The following NEBL variants were observed in gnomAD, a reference collection of about 807,000 sequenced individuals.
NEBL encodes LIM and SH3 protein 2.
Under a neutral mutation model 140.2 loss-of-function variants are expected in NEBL, and 122 were observed. The observed-to-expected ratio is 0.87, with a 90% CI of 0.75 to 1.01. The LOEUF (loss-of-function observed/expected upper bound fraction) is 1.01. NEBL is among the 50% of genes least tolerant of loss of function. The pLI is 0.00. For synonymous variants in NEBL, 436 were observed against 398.9 expected (o/e 1.09, Z -1.11); for missense variants, 1,365 against 1,231.3 (o/e 1.11, Z -1.62).
At chr10:21,015,457 C>G (rs75800451) in intron 3 of NEBL, among the ~76,000 whole-genome samples, 1 of 152,174 alleles carries the variant, frequency 6.6e-6, no homozygotes, top group Non-Finnish European at 1.5e-5. Flanking sequence ...AAAGGGAATG[C>G]TTTCTACCAC....
chr10:20,952,153 G>A (rs959016040), intron 4 of NEBL, among the ~76,000 whole-genome samples: 10 of 152,126 alleles, frequency 6.6e-5, no homozygotes, highest in African/African-American at 1.2e-4. Flanking sequence ...ATTAAGAACC[G>A]GGGCCAGGCG....
At chr10:20,805,683 T>C (rs1054523111) in intron 26 of NEBL, among the ~76,000 whole-genome samples, 1 of 152,002 alleles carries the variant, frequency 6.6e-6, no homozygotes, top group African/African-American at 2.4e-5. Flanking sequence ...TGAAACCCCA[T>C]CTCTACTAAA....
chr10:21,069,988 G>A (rs1589200278), intron 2 of NEBL: 2 of 456,242 alleles, frequency 4.4e-6, no homozygotes, highest in Non-Finnish European at 8.8e-6. Context: ...GAGCCAGAAT[G>A]CAGCCACTCA....
At chr10:21,104,937 A>C (rs930940446) in intron 2 of NEBL, among the ~76,000 whole-genome samples, 5 of 152,188 alleles carry the variant, frequency 3.3e-5, no homozygotes, top group African/African-American at 1.2e-4. Flanking sequence ...TCAAGAATTG[A>C]TGTTGCGCAT....
intron 1 of NEBL, among the ~76,000 whole-genome samples, chr10:21,284,232 A>AC (rs1843028466): frequency 1.7e-5 from 2 of 116,562 alleles, no homozygotes; most frequent in East Asian, 3.3e-4. Flanking sequence ...AAAAAAAAAA[A>AC]ACGAAAATGA....
chr10:21,056,592 A>G (rs904205526), intron 2 of NEBL, among the ~76,000 whole-genome samples: 1 of 152,220 alleles, frequency 6.6e-6, no homozygotes, highest in African/African-American at 2.4e-5. Flanking sequence ...ATCCACTCCT[A>G]GGTATATCTT....
intron 2 of NEBL, among the ~76,000 whole-genome samples, chr10:21,149,817 T>C (rs1840069143): frequency 6.6e-6 from 1 of 152,158 alleles, no homozygotes; most frequent in Non-Finnish European, 1.5e-5. Flanking sequence ...GATCTGGTGC[T>C]ATGTCCAGGT....
intron 3 of NEBL, among the ~76,000 whole-genome samples, chr10:20,992,540 G>C (rs1348554704): frequency 6.6e-6 from 1 of 152,134 alleles, no homozygotes; most frequent in East Asian, 1.9e-4. Context: ...AAACCCATGA[G>C]AGCAACAGGA....
At chr10:20,860,913 C>T (rs1843633403) in intron 7 of NEBL, among the ~76,000 whole-genome samples, 1 of 152,032 alleles carries the variant, frequency 6.6e-6, no homozygotes, top group Non-Finnish European at 1.5e-5. Context: ...GGTGGGAATA[C>T]AGCATTTGGT....
intron 23 of NEBL, 119 bp from the exon 24 acceptor site, chr10:20,813,059 T>G (rs1199296358): frequency 1.2e-6 from 1 of 844,030 alleles, no homozygotes; most frequent in African/African-American, 1.7e-5. Flanking sequence ...CATGTATGTA[T>G]CTTTTCCAAA....
intron 2 of NEBL, among the ~76,000 whole-genome samples, chr10:21,022,428 G>A (rs150955323): frequency 0.018 from 2,691 of 152,268 alleles, 88 homozygotes; most frequent in African/African-American, 0.062. Context: ...GCGAAATAAA[G>A]ATTAAATATT....
At chr10:21,250,379 C>T (rs1489606215) in intron 2 of NEBL, among the ~76,000 whole-genome samples, 3 of 152,178 alleles carry the variant, frequency 2.0e-5, no homozygotes, top group African/African-American at 7.2e-5. Context: ...CATCAGACTC[C>T]AAGGTCTTCA....
At chr10:21,206,706 T>G (rs1367566848) in intron 3 of NEBL, among the ~76,000 whole-genome samples, 1 of 152,138 alleles carries the variant, frequency 6.6e-6, no homozygotes, top group Non-Finnish European at 1.5e-5. Context: ...TTCGAGAGTT[T>G]GGGAGTGGGC....
intron 5 of NEBL, among the ~76,000 whole-genome samples, chr10:20,877,730 C>A (rs2131297013): frequency 6.6e-6 from 1 of 152,250 alleles, no homozygotes; most frequent in South Asian, 2.1e-4. Flanking sequence ...TAGGGCGGAG[C>A]AAACAGCTTC....
intron 3 of NEBL, among the ~76,000 whole-genome samples, chr10:20,988,807 G>C (rs61057597): frequency 1.3e-3 from 192 of 152,322 alleles, no homozygotes; most frequent in African/African-American, 4.5e-3. Flanking sequence ...AAAGCCACCA[G>C]TGAACTCCAC....
chr10:21,287,316 A>G (rs1428088078), intron 1 of NEBL, among the ~76,000 whole-genome samples: 1 of 152,158 alleles, frequency 6.6e-6, no homozygotes, highest in Non-Finnish European at 1.5e-5. Context: ...CAGGTGGATC[A>G]CTTGAGGTCA....
At position 20,782,691 on chromosome 10, in the gene NEBL, GATC is replaced by G. The variant is rs1226418681; in HGVS notation, c.*3053_*3055del. ...GTGTATGGAGGTCGAGGAGACCTGG[GATC>G]ATCAAGAGCCTCCTCCATGGGCAGT... On this transcript the variant is annotated 3_prime_UTR_variant, in exon 28 of 28. Transcript: ENST00000377122. The G allele has an allele frequency of 6.6e-6, 1 of 152,192 alleles. No individual in the cohort carries two copies. The highest frequency in any genetic ancestry group is 1.5e-5 in the Non-Finnish European group (1 of 68,062). The allele number at this position is 152,192 out of a possible 1,614,324, so 9.4% of individuals were successfully genotyped here.
intron 4 of NEBL, among the ~76,000 whole-genome samples, chr10:20,949,306 G>A (rs1835331785): frequency 6.6e-6 from 1 of 152,064 alleles, no homozygotes; most frequent in Non-Finnish European, 1.5e-5. Flanking sequence ...GGGGATGGGG[G>A]AAAAGCGGAG....
chr10:21,057,348 A>G (rs376828973), intron 2 of NEBL, among the ~76,000 whole-genome samples: 1 of 152,024 alleles, frequency 6.6e-6, no homozygotes, highest in East Asian at 1.9e-4. Flanking sequence ...AGGTAAAACA[A>G]AAAAGCAAGA....
Sources: allele counts gnomAD v4.1 joint callset (sites outside exome capture counted in the v4.1 genomes callset), GRCh38; gene constraint gnomAD v4.1.1; transcripts MANE v1.5; gene names NCBI Gene and HGNC (gene_info 2026-07-23, HGNC 2026-07-21).